CLASP2: variants seen among roughly 807,000 people sequenced by gnomAD.
CLASP2 encodes the protein cytoplasmic linker associated protein 2.
Under a neutral mutation model 194.4 loss-of-function variants are expected in CLASP2, and 47 were observed. The ratio of observed to expected loss-of-function variants is 0.24; its 90% CI spans 0.19 to 0.31. CLASP2 has a LOEUF of 0.31. Ranked by LOEUF, CLASP2 falls within the 10% of genes least tolerant of loss-of-function variation. The pLI is 1.00. For synonymous variants in CLASP2, 619 were observed against 633.5 expected, an observed-to-expected ratio of 0.98 and a Z score of 0.34; for missense variants, 1,445 against 1,823.6, an observed-to-expected ratio of 0.79 and a Z score of 3.78.
chr3:33,664,070 G>C (rs958784447), intron 6 of CLASP2, among the ~76,000 whole-genome samples: 4 of 151,958 alleles, frequency 2.6e-5, no homozygotes, highest in Non-Finnish European at 4.4e-5. Context: ...CTGCACTTCT[G>C]CTATCACTTT....
chr3:33,620,768 T>C (rs1350603580), intron 11 of CLASP2, among the ~76,000 whole-genome samples: 2 of 152,188 alleles, frequency 1.3e-5, no homozygotes, highest in East Asian at 1.9e-4. Flanking sequence ...TCCTATGCAA[T>C]GGCCTTTCTG....
At chr3:33,556,726 C>T (rs753792174) in intron 29 of CLASP2, among the ~76,000 whole-genome samples, 2 of 151,870 alleles carry the variant, frequency 1.3e-5, no homozygotes, top group South Asian at 2.1e-4. Context: ...CGTGAGCCAC[C>T]GTGCCCAGCC....
intron 38 of CLASP2, among the ~76,000 whole-genome samples, chr3:33,500,654 C>T (rs899458552): frequency 6.6e-6 from 1 of 151,962 alleles, no homozygotes. Flanking sequence ...TGGTTTATAA[C>T]CCGAGTTAAG....
Position 33,684,375 on chromosome 3 carries a change from C to G in CLASP2, c.628G>C (p.Gly210Arg), listed in dbSNP as rs750750584. 6.3e-7 allele frequency: 1 copy of G among 1,587,268 alleles called. No individual in the cohort carries two copies. Among genetic ancestry groups the G allele is most frequent in the Non-Finnish European group, 8.6e-7 (1 of 1,167,574 alleles). Residue 210 changes from glycine (G) to arginine (R), a missense_variant, in exon 6 of 39, where the codon GGA becomes CGA. Gly to Arg is a moderately radical substitution (Grantham distance 125, BLOSUM62 -2). Around this residue, in one of 4 missense-constraint regions of CLASP2, gnomAD observed 332 missense variants for 325.3 expected, o/e 1.02. Coordinates refer to ENST00000682230, the MANE Select transcript of CLASP2 (RefSeq NM_001365631.1). ...EKVRMDLYKR[G>R]IPPARLEMIF... The stretch of plus-strand genomic sequence containing the variant: ...AAGACTTACCTAGCAGGGGGAATTC[C>G]TCTCTTATAAAGATCCATCCTCACT...
chr3:33,590,379 T>C (rs369839418), intron 21 of CLASP2, among the ~76,000 whole-genome samples: 1 of 152,198 alleles, frequency 6.6e-6, no homozygotes, highest in Non-Finnish European at 1.5e-5. Context: ...AATCACTTGA[T>C]GATCTTGTTA....
chr3:33,513,217 C>T (rs924582359), intron 36 of CLASP2, among the ~76,000 whole-genome samples: 3 of 152,028 alleles, frequency 2.0e-5, no homozygotes, highest in Non-Finnish European at 2.9e-5. Flanking sequence ...CTACCAAACA[C>T]GGTTGAATAA....
chr3:33,510,720 T>A lies in CLASP2; in HGVS notation c.4155A>T (p.Ser1385=). ...CTTTGATGCACTGCTCTGGACTAAT[T>A]GAAGTGGCCAACACTGATGCCGCTT... ...AEEAASVLAT[S]ISPEQCIKVL... is the part of the protein sequence containing the mutation. The change falls in exon 37 of 39, where the codon TCA becomes TCT. Residue 1385 remains serine (S), a synonymous_variant. Coordinates refer to ENST00000682230, the MANE Select transcript of CLASP2 (RefSeq NM_001365631.1). The A allele has an allele frequency of 1.2e-6, 2 of 1,613,294 alleles. No individual in the cohort carries two copies. The highest frequency in any genetic ancestry group is 8.5e-7 in the Non-Finnish European group (1 of 1,179,594).
Position 33,607,667 on chromosome 3 carries a change from C to G in CLASP2, c.1449-206G>C, listed in dbSNP as rs1348599617. Among the ~76,000 whole-genome samples the G allele has an allele frequency of 2.0e-5, 3 of 152,044 alleles. 1 individual carries two copies. Among genetic ancestry groups the G allele is most frequent in the Admixed American group, 2.0e-4 (3 of 15,270 alleles). On this transcript the variant is annotated intron_variant, in intron 14 of 38. Coordinates refer to ENST00000682230, the MANE Select transcript of CLASP2 (RefSeq NM_001365631.1). ...TTATTCATGTATGGTTTCCTTCTGA[C>G]AATCCAATTATTATAAATCTAAAAG...
chr3:33,512,301 G>A (rs1309313954), intron 36 of CLASP2, among the ~76,000 whole-genome samples: 1 of 9,290 alleles, frequency 1.1e-4, no homozygotes, highest in South Asian at 3.3e-3. Context: ...GTAAACTATC[G>A]CAAGAACAAA....
At chr3:33,606,419 T>C (rs1334383238) in intron 16 of CLASP2, among the ~76,000 whole-genome samples, 172 bp downstream of exon 16, 1 of 152,220 alleles carries the variant, frequency 6.6e-6, no homozygotes, top group Non-Finnish European at 1.5e-5. Context: ...GGAATTATGC[T>C]GGAAAGTAAT....
At chr3:33,537,998 G>A (rs747801418) in intron 33 of CLASP2, among the ~76,000 whole-genome samples, 3 of 152,220 alleles carry the variant, frequency 2.0e-5, no homozygotes, top group Non-Finnish European at 2.9e-5. Context: ...CAAATTAGCC[G>A]GGCATGGTGG....
In CLASP2 at chr3:33,606,830, T is replaced by C. The variant is rs1422908421; in HGVS notation, c.1527-72A>G. On this transcript the variant is annotated intron_variant, in intron 15 of 38. Transcript: ENST00000682230. ...TAGACATTAACAGTAACGTGTACGT[T>C]CAAGAAGGATGAAGATAAGCCCACT... 2.7e-6 allele frequency: 3 copies of C among 1,113,780 alleles called. No individual in the cohort carries two copies. The African/African-American group carries it at 4.7e-5, about 18-fold the overall frequency. 69.0% of individuals were successfully genotyped at this position (1,113,780 alleles called of 1,614,324 possible).
At chr3:33,665,921 T>C (rs1332636730) in intron 6 of CLASP2, among the ~76,000 whole-genome samples, 1 of 152,096 alleles carries the variant, frequency 6.6e-6, no homozygotes, top group African/African-American at 2.4e-5. Flanking sequence ...GGAAATTCAA[T>C]GGAAGAAAAA....
chr3:33,607,943 G>A (rs2074257454), intron 14 of CLASP2, among the ~76,000 whole-genome samples: 1 of 152,112 alleles, frequency 6.6e-6, no homozygotes, highest in African/African-American at 2.4e-5. Context: ...TTTTAAAAAT[G>A]AGCTTTAAGA....
chr3:33,517,004 G>A lies in CLASP2; in HGVS notation c.3958C>T (p.Leu1320Phe). 1 of 1,612,910 alleles carries A rather than the reference G, an allele frequency of 6.2e-7. No individual in the cohort carries two copies. Among genetic ancestry groups the A allele is most frequent in the Non-Finnish European group, 8.5e-7 (1 of 1,179,582 alleles). Residue 1320 changes from leucine (L) to phenylalanine (F), a missense_variant, in exon 35 of 39, where the codon CTT becomes TTT. Physicochemically the swap from Leu to Phe is conservative, Grantham distance 22. This residue lies in a region of CLASP2 where 732 missense variants were observed against 987.9 expected (regional missense o/e 0.74). Transcript: ENST00000682230. ...EHFKTILLLL[L>F]ETLGDKEPTI... ...ACCTCTTTATCTCCAAGCGTTTCAA[G>A]CAATAAAAGCAATATTGTTTTGAAG... is the stretch of plus-strand genomic sequence containing the variant.
At chr3:33,619,869 A>T (rs2076833910) in intron 11 of CLASP2, 131 bp from the exon 12 acceptor site, 5 of 719,318 alleles carry the variant, frequency 7.0e-6, no homozygotes, top group Admixed American at 4.1e-5. Context: ...ATGGCAGAAA[A>T]ACAGAAGAAA....
chr3:33,553,075 T>A (rs1303940778), intron 29 of CLASP2, among the ~76,000 whole-genome samples: 1 of 152,160 alleles, frequency 6.6e-6, no homozygotes, highest in Non-Finnish European at 1.5e-5. Context: ...TTGTCAAATT[T>A]TAAGGTAATA....
At chr3:33,585,809 A>T (rs1000866630) in intron 21 of CLASP2, among the ~76,000 whole-genome samples, 1 of 145,580 alleles carries the variant, frequency 6.9e-6, no homozygotes, top group African/African-American at 2.7e-5. Flanking sequence ...TGACTGTATT[A>T]AAAAAAAACC....
At chr3:33,685,279 T>C (rs1475763328) in intron 5 of CLASP2, among the ~76,000 whole-genome samples, 1 of 138,226 alleles carries the variant, frequency 7.2e-6, no homozygotes, top group East Asian at 2.2e-4. Flanking sequence ...GAGGTGGAGG[T>C]TGCAGTGAGC....
Sources: allele counts gnomAD v4.1 joint callset (sites outside exome capture counted in the v4.1 genomes callset), GRCh38; gene constraint gnomAD v4.1.1; regional missense constraint gnomAD v4.1.1; transcripts MANE v1.5; gene names NCBI Gene and HGNC (gene_info 2026-07-23, HGNC 2026-07-21).